BRAF: variants seen among roughly 807,000 people sequenced by gnomAD.
BRAF encodes the protein serine/threonine-protein kinase B-raf.
Under a neutral mutation model 104.6 loss-of-function variants are expected in BRAF, and 16 were observed. The ratio of observed to expected loss-of-function variants is 0.15; its 90% CI spans 0.10 to 0.23. The LOEUF (loss-of-function observed/expected upper bound fraction) is 0.23. Among genes scored for constraint, BRAF ranks in the 10% least tolerant of loss-of-function variants. The pLI, the probability that BRAF is intolerant of heterozygous loss-of-function variation, is 1.00. For missense variants in BRAF, 541 were observed against 937.3 expected (o/e 0.58, Z 5.52); for synonymous variants, 310 against 341.6 (o/e 0.91, Z 1.02).
intron 1 of BRAF, among the ~76,000 whole-genome samples, chr7:140,920,929 C>T (rs767148964): frequency 2.0e-5 from 3 of 152,142 alleles, no homozygotes; most frequent in Non-Finnish European, 4.4e-5. Flanking sequence ...ATGAGAATAC[C>T]ACTTTTCAGG....
chr7:140,798,364 G>A (rs1390202561), intron 7 of BRAF, among the ~76,000 whole-genome samples: 3 of 139,510 alleles, frequency 2.2e-5, no homozygotes, highest in African/African-American at 8.1e-5. Context: ...CTGGGTTCAC[G>A]CCATCCTCCT....
intron 18 of BRAF, among the ~76,000 whole-genome samples, chr7:140,736,862 A>C (rs1332716712): frequency 5.3e-5 from 8 of 152,110 alleles, no homozygotes; most frequent in African/African-American, 1.9e-4. Context: ...CATAGTGAGA[A>C]TCTATCTCTA....
chr7:140,744,124 G>A (rs1033969460), intron 17 of BRAF, among the ~76,000 whole-genome samples: 2 of 152,210 alleles, frequency 1.3e-5, no homozygotes, highest in Non-Finnish European at 2.9e-5. Context: ...GGGGCCATGG[G>A]CCATGCCAGA....
intron 9 of BRAF, among the ~76,000 whole-genome samples, chr7:140,786,337 G>C (rs749710132): frequency 1.3e-5 from 2 of 152,142 alleles, no homozygotes; most frequent in African/African-American, 2.4e-5. Context: ...AAATATTGTT[G>C]AGTCTGGGCT....
chr7:140,772,879 A>G (rs1443921761), intron 14 of BRAF, among the ~76,000 whole-genome samples: 1 of 152,086 alleles, frequency 6.6e-6, no homozygotes, highest in Non-Finnish European at 1.5e-5. Flanking sequence ...TTTGCTGAAC[A>G]CCCCTTAAAA....
intron 5 of BRAF, among the ~76,000 whole-genome samples, chr7:140,806,673 G>C (rs888014298): frequency 3.9e-5 from 6 of 152,050 alleles, no homozygotes; most frequent in African/African-American, 1.2e-4. Context: ...AACTGTATTT[G>C]TATTCTTAAG....
chr7:140,719,659 G>A lies in BRAF; in HGVS notation c.*6835C>T. 9.4e-7 allele frequency: 1 copy of A among 1,061,278 alleles called. No homozygotes were observed. The highest frequency in any genetic ancestry group is 4.6e-5 in the South Asian group (1 of 21,894). The allele number at this position is 1,061,278 out of a possible 1,614,324, so 65.7% of individuals were successfully genotyped here. ...AAGATTCAAGCAAACATTGAGAATA[G>A]GGGAAAAGAGGGAGACATCATCCAT... On this transcript the variant is annotated 3_prime_UTR_variant, in exon 20 of 20. Coordinates refer to ENST00000644969, the MANE Select transcript of BRAF (RefSeq NM_001374258.1).
At chr7:140,773,399 C>A (rs754627577) in intron 14 of BRAF, 1 of 152,102 alleles carries the variant, frequency 6.6e-6, no homozygotes, top group Non-Finnish European at 1.5e-5. Context: ...CAAGACTCTT[C>A]GAATCTTCTG....
rs925640452 is a variant in BRAF at position 140,871,145 on chromosome 7, C to T, written c.139-20933G>A. Among the ~76,000 whole-genome samples, 90 of 143,386 alleles carry T rather than the reference C, an allele frequency of 6.3e-4. 1 individual carries two copies. Among genetic ancestry groups the T allele is most frequent in the Non-Finnish European group, 1.1e-3 (72 of 64,498 alleles). The allele number at this position is 143,386 out of a possible 152,430, so 94.1% of individuals were successfully genotyped here. A position where few individuals can be genotyped will look rare whatever the true frequency, so the allele number is the denominator to read the frequency against. ...TAGTACCAGGTACTCGGGAGGGTGA[C>T]GCGGGAGAATGGCGTGAATCCGGGA... is the stretch of plus-strand genomic sequence containing the variant. On this transcript the variant is annotated intron_variant, in intron 1 of 19. Transcript: ENST00000644969.
At chr7:140,826,642 G>A (rs148458729) in intron 3 of BRAF, among the ~76,000 whole-genome samples, 1 of 152,116 alleles carries the variant, frequency 6.6e-6, no homozygotes, top group Non-Finnish European at 1.5e-5. Context: ...TAAAAACTCT[G>A]AGCGATATAC....
intron 14 of BRAF, among the ~76,000 whole-genome samples, chr7:140,761,652 T>G (rs1349697761): frequency 2.6e-5 from 4 of 152,098 alleles, no homozygotes; most frequent in Non-Finnish European, 4.4e-5. Context: ...CCATCTCACA[T>G]GCAGAGACAC....
In BRAF at chr7:140,721,093, T is replaced by C; in HGVS notation, c.*5401A>G. The C allele has an allele frequency of 9.4e-7, 1 of 1,064,090 alleles. No individual in the cohort carries two copies. Among genetic ancestry groups the C allele is most frequent in the African/African-American group, 1.6e-5 (1 of 61,062 alleles). The allele number at this position is 1,064,090 out of a possible 1,614,324, so 65.9% of individuals were successfully genotyped here. A position where few individuals can be genotyped will look rare whatever the true frequency, so the allele number is the denominator to read the frequency against. ...AATTCTTTAAAAAAAAATGCACCTC[T>C]AAAAAATGGATACACTGGCTTACAT... On this transcript the variant is annotated 3_prime_UTR_variant, in exon 20 of 20. Transcript: ENST00000644969.
chr7:140,797,690 G>A (rs777279161), intron 7 of BRAF, among the ~76,000 whole-genome samples: 1 of 152,142 alleles, frequency 6.6e-6, no homozygotes, highest in Non-Finnish European at 1.5e-5. Context: ...CAAATGTCCT[G>A]GATCATTACC....
At chr7:140,812,905 TGGAA>T (rs982767320) in intron 3 of BRAF, among the ~76,000 whole-genome samples, 3 of 152,020 alleles carry the variant, frequency 2.0e-5, no homozygotes, top group African/African-American at 7.3e-5. Context: ...ATTTAAATGC[TGGAA>T]GGAAGAAAGG....
intron 3 of BRAF, among the ~76,000 whole-genome samples, chr7:140,821,294 ATTTTTTTTTTTT>A (rs58690200): frequency 1.4e-5 from 1 of 73,922 alleles, no homozygotes; most frequent in African/African-American, 5.4e-5. Flanking sequence ...TCTGAATTAC[ATTTTTTTTTTTT>A]TTTTTTTTTT....
chr7:140,900,799 C>T (rs894537998), intron 1 of BRAF, among the ~76,000 whole-genome samples: 2 of 152,126 alleles, frequency 1.3e-5, no homozygotes, highest in Non-Finnish European at 2.9e-5. Flanking sequence ...TTAGTAGAGA[C>T]GGGGTTTCAC....
At chr7:140,730,583 T>G (rs1795882941) in intron 19 of BRAF, 82 bp downstream of exon 18, 1 of 151,890 alleles carries the variant, frequency 6.6e-6, no homozygotes, top group African/African-American at 2.4e-5. Context: ...GCCAGGCTGG[T>G]CTCGAACTGG....
Position 140,734,540 on chromosome 7 carries a change from T to C in BRAF, c.2401+77A>G, listed in dbSNP as rs143647707. On this transcript the variant is annotated intron_variant, in intron 19 of 19. Coordinates refer to ENST00000644969, the MANE Select transcript of BRAF (RefSeq NM_001374258.1). The stretch of plus-strand genomic sequence containing the variant: ...ATTCAATTTAACATATAAGCAAACA[T>C]ATGTTCATTTATTTTCCTTTTGTTG... The C allele has an allele frequency of 1.9e-6, 3 of 1,612,092 alleles. No homozygotes were observed. The African/African-American group carries it at 4.0e-5, about 22-fold the overall frequency.
chr7:140,793,494 A>G, intron 8 of BRAF, among the ~76,000 whole-genome samples: 1 of 152,116 alleles, frequency 6.6e-6, no homozygotes, highest in East Asian at 1.9e-4. Context: ...TTACAAAATT[A>G]AAATTTATAA....
Sources: gnomAD v4.1 joint callset for allele counts (sites outside exome capture counted in the v4.1 genomes callset) on GRCh38, gnomAD v4.1.1 for gene constraint, MANE v1.5 for transcripts, NCBI Gene and HGNC (gene_info 2026-07-23, HGNC 2026-07-21) for gene names.